The following TG variants were observed in gnomAD, a reference collection of about 807,000 sequenced individuals.
TG encodes thyroglobulin, also known as thyroid hormones.
TG carries 270 observed loss-of-function variants against 324.7 expected under a neutral mutation model. The observed-to-expected ratio is 0.83, with a 90% CI of 0.75 to 0.92. The LOEUF (loss-of-function observed/expected upper bound fraction) is 0.92. Among genes scored for constraint, TG ranks in the 40% least tolerant of loss-of-function variants. TG has a pLI of 0.00. For synonymous variants in TG, 1,401 were observed against 1,327.0 expected, an observed-to-expected ratio of 1.06 and a Z score of -1.21; for missense variants, 3,591 against 3,456.4, an observed-to-expected ratio of 1.04 and a Z score of -0.98.
chr8:132,973,861 T>G (rs1022350611), intron 34 of TG, among the ~76,000 whole-genome samples: 2 of 152,136 alleles, frequency 1.3e-5, no homozygotes, highest in Non-Finnish European at 2.9e-5. Context: ...GGCTTCCTTA[T>G]TAGTTTCAGA....
intron 41 of TG, among the ~76,000 whole-genome samples, chr8:133,069,407 A>G (rs189069497): frequency 3.3e-5 from 5 of 152,106 alleles, no homozygotes; most frequent in East Asian, 1.9e-4. Flanking sequence ...AGAACCCCAC[A>G]CTCTACAGCT....
In TG at chr8:133,022,066, G is replaced by A. The variant is rs201930579; in HGVS notation, c.6952G>A (p.Asp2318Asn). 1.9e-4 allele frequency: 313 copies of A among 1,614,148 alleles called. 2 individuals are homozygous for A. The highest frequency in any genetic ancestry group is 9.2e-5 in the Non-Finnish European group (109 of 1,180,022). Residue 2318 changes from aspartate (D) to asparagine (N), a missense_variant, in exon 40 of 48, where the codon GAC (aspartate) becomes AAC (asparagine). Coordinates refer to ENST00000220616, the MANE Select transcript of TG (RefSeq NM_003235.5). ...REESEGWPAIDGSFLAAVGNL... is the reference protein window; with the variant it reads ...REESEGWPAINGSFLAAVGNL... Reference sequence around the variant, plus strand: ...GGAGAGTGAAGGATGGCCGGCTATCGACGGCTCCTTCTTGGCTGCTGTTGG... The same window carrying A: ...GGAGAGTGAAGGATGGCCGGCTATCAACGGCTCCTTCTTGGCTGCTGTTGG...
chr8:132,961,164 T>C, intron 28 of TG, 91 bp downstream of exon 28: 1 of 1,272,884 alleles, frequency 7.9e-7, no homozygotes, highest in Non-Finnish European at 1.1e-6. Context: ...ACTCTATTTC[T>C]GTAGAGGAAT....
intron 43 of TG, chr8:133,106,334 C>A: frequency 1.1e-6 from 1 of 911,872 alleles, no homozygotes; most frequent in Non-Finnish European, 1.3e-6. Context: ...CGGCTCCTTA[C>A]TGAGGCTCTG....
intron 35 of TG, among the ~76,000 whole-genome samples, chr8:132,986,282 G>T (rs1347858134): frequency 6.7e-6 from 1 of 150,178 alleles, no homozygotes; most frequent in Non-Finnish European, 1.5e-5. Context: ...ATTTTTGGTT[G>T]TTTTTACCTA....
intron 20 of TG, among the ~76,000 whole-genome samples, chr8:132,919,001 T>C (rs953989856): frequency 4.6e-5 from 7 of 152,238 alleles, no homozygotes; most frequent in Non-Finnish European, 1.0e-4. Flanking sequence ...AGCAGGATTT[T>C]AGCTTTCACC....
intron 41 of TG, among the ~76,000 whole-genome samples, chr8:133,053,113 T>G: frequency 6.6e-6 from 1 of 152,190 alleles, no homozygotes; most frequent in East Asian, 1.9e-4. Context: ...CACACCCTGC[T>G]CTTCCCTCCT....
intron 41 of TG, among the ~76,000 whole-genome samples, chr8:133,070,601 C>T (rs1376902499): frequency 6.6e-6 from 1 of 152,204 alleles, no homozygotes; most frequent in Admixed American, 6.5e-5. Context: ...AAGTAATTTG[C>T]TCAGAGTTAC....
chr8:132,932,169 A>G (rs1373774831), intron 23 of TG, among the ~76,000 whole-genome samples: 1 of 152,110 alleles, frequency 6.6e-6, no homozygotes, highest in Non-Finnish European at 1.5e-5. Context: ...GGGTAAAATG[A>G]CATCATCGAC....
At chr8:133,133,411 G>A (rs1024912132) in intron 46 of TG, 59 bp from the exon 47 acceptor site, 7 of 1,533,014 alleles carry the variant, frequency 4.6e-6, no homozygotes, top group African/African-American at 1.4e-5. Flanking sequence ...AAGTGATTCA[G>A]GTGATGAAAG....
intron 35 of TG, among the ~76,000 whole-genome samples, chr8:133,000,328 T>C (rs1055229916): frequency 6.4e-4 from 97 of 152,268 alleles, no homozygotes; most frequent in Non-Finnish European, 1.1e-3. Flanking sequence ...CCTAGCTCCC[T>C]CCACCCCTTG....
chr8:133,039,953 GCACACACACA>G, intron 41 of TG: 7 of 1,433,552 alleles, frequency 4.9e-6, no homozygotes, highest in Non-Finnish European at 5.6e-6. Context: ...GCACTTGCAT[GCACACACACA>G]CACACACACA....
intron 22 of TG, among the ~76,000 whole-genome samples, chr8:132,925,579 A>G (rs1232908840): frequency 1.3e-5 from 2 of 148,236 alleles, no homozygotes; most frequent in Admixed American, 1.4e-4. Context: ...AATCCAATGA[A>G]AGTCTTATTT....
At chr8:132,933,851 C>T (rs1001561055) in intron 24 of TG, among the ~76,000 whole-genome samples, 175 bp downstream of exon 24, 2 of 152,090 alleles carry the variant, frequency 1.3e-5, no homozygotes, top group Non-Finnish European at 2.9e-5. Context: ...CTGTGATAGT[C>T]CAGAGACAGA....
intron 41 of TG, among the ~76,000 whole-genome samples, chr8:133,067,041 A>T (rs528363002): frequency 2.6e-5 from 4 of 152,268 alleles, no homozygotes; most frequent in Admixed American, 6.5e-5. Context: ...GGCACAATTG[A>T]CTAGGGACTT....
intron 17 of TG, among the ~76,000 whole-genome samples, chr8:132,907,592 T>C (rs977761021): frequency 1.3e-5 from 2 of 152,086 alleles, no homozygotes; most frequent in African/African-American, 2.4e-5. Flanking sequence ...AGGAGAGCAT[T>C]TGTTGCAAAG....
At chr8:133,071,633 C>G (rs1319953441) in intron 41 of TG, among the ~76,000 whole-genome samples, 1 of 151,884 alleles carries the variant, frequency 6.6e-6, no homozygotes, top group Non-Finnish European at 1.5e-5. Flanking sequence ...GGATGGCATG[C>G]AGCGGGGAGA....
chr8:133,017,233 T>C (rs1835116556), intron 37 of TG, among the ~76,000 whole-genome samples: 1 of 152,072 alleles, frequency 6.6e-6, no homozygotes, highest in Non-Finnish European at 1.5e-5. Flanking sequence ...TGCACTGCAA[T>C]TCTGAAACCC....
chr8:132,901,230 C>G, intron 15 of TG, 123 bp from the exon 16 acceptor site: 1 of 1,151,076 alleles, frequency 8.7e-7, no homozygotes, highest in South Asian at 1.3e-5. Flanking sequence ...CAGCCCCAGA[C>G]CCCTGGAAGG....
Sources: gnomAD v4.1 joint callset for allele counts (sites outside exome capture counted in the v4.1 genomes callset) on GRCh38, gnomAD v4.1.1 for gene constraint, MANE v1.5 for transcripts, NCBI Gene and HGNC (gene_info 2026-07-23, HGNC 2026-07-21) for gene names.